NBEA: variants seen among roughly 807,000 people sequenced by gnomAD.
NBEA encodes lysosomal-trafficking regulator 2.
Under a neutral mutation model 343.4 loss-of-function variants are expected in NBEA, and 44 were observed. The ratio of observed to expected loss-of-function variants is 0.13; its 90% CI spans 0.10 to 0.16. The LOEUF is 0.16. Ranked by LOEUF, NBEA falls within the 10% of genes least tolerant of loss-of-function variation. The pLI, the probability that NBEA is intolerant of heterozygous loss-of-function variation, is 1.00. For missense variants in NBEA, 2,555 were observed against 3,631.3 expected (o/e 0.70, Z 7.62); for synonymous variants, 1,175 against 1,238.7 (o/e 0.95, Z 1.08).
intron 28 of NBEA, among the ~76,000 whole-genome samples, chr13:35,179,393 A>G (rs1483401367): frequency 6.6e-6 from 1 of 151,586 alleles, no homozygotes; most frequent in African/African-American, 2.4e-5. Flanking sequence ...TCTTCTCAGT[A>G]ATAAAATACC....
chr13:35,194,087 GTAT>G (rs2072405647), intron 30 of NBEA, among the ~76,000 whole-genome samples: 1 of 151,842 alleles, frequency 6.6e-6, no homozygotes, highest in South Asian at 2.1e-4. Flanking sequence ...CCTAGAAAAA[GTAT>G]TATAAATTCA....
At chr13:35,322,320 A>T (rs2038213179) in intron 36 of NBEA, among the ~76,000 whole-genome samples, 2 of 152,182 alleles carry the variant, frequency 1.3e-5, no homozygotes, top group African/African-American at 4.8e-5. Context: ...CCCATGGCAC[A>T]GTCCCTCACG....
At chr13:35,585,810 T>G (rs2081267940) in intron 46 of NBEA, among the ~76,000 whole-genome samples, 1 of 152,166 alleles carries the variant, frequency 6.6e-6, no homozygotes, top group African/African-American at 2.4e-5. Context: ...TCCTAGATAT[T>G]TTCTCTGTCT....
At chr13:35,425,668 T>TG (rs2044617914) in intron 38 of NBEA, among the ~76,000 whole-genome samples, 1 of 152,202 alleles carries the variant, frequency 6.6e-6, no homozygotes, top group Non-Finnish European at 1.5e-5. Context: ...TAGGTCCTCT[T>TG]GATGCAGAGC....
chr13:35,303,232 GA>G (rs2036671724), intron 35 of NBEA, among the ~76,000 whole-genome samples: 1 of 152,166 alleles, frequency 6.6e-6, no homozygotes, highest in East Asian at 1.9e-4. Context: ...TAGGATTAAA[GA>G]AACACTATGT....
intron 36 of NBEA, among the ~76,000 whole-genome samples, chr13:35,322,872 C>T (rs2038262826): frequency 6.6e-6 from 1 of 152,074 alleles, no homozygotes; most frequent in African/African-American, 2.4e-5. Flanking sequence ...TTTTTTGAGA[C>T]AGGGTCTCAC....
intron 30 of NBEA, among the ~76,000 whole-genome samples, chr13:35,188,055 A>G (rs1411875022): frequency 1.3e-5 from 2 of 151,224 alleles, no homozygotes; most frequent in Non-Finnish European, 2.9e-5. Context: ...TTCTCATATC[A>G]TCTTGTTTTA....
At chr13:35,239,190 A>T (rs2075371546) in intron 34 of NBEA, among the ~76,000 whole-genome samples, 1 of 152,138 alleles carries the variant, frequency 6.6e-6, no homozygotes, top group African/African-American at 2.4e-5. Flanking sequence ...AACTACAAGA[A>T]CAATGAATGG....
chr13:35,477,521 T>C (rs1213782301), intron 41 of NBEA, among the ~76,000 whole-genome samples: 1 of 152,154 alleles, frequency 6.6e-6, no homozygotes, highest in East Asian at 1.9e-4. Context: ...ATGGACAGAG[T>C]ACTTTAGCGT....
intron 38 of NBEA, among the ~76,000 whole-genome samples, chr13:35,399,867 T>C (rs2042915214): frequency 1.3e-5 from 2 of 152,042 alleles, no homozygotes; most frequent in South Asian, 4.1e-4. Context: ...ATTGGCCTAA[T>C]GTCAGTACTG....
intron 38 of NBEA, among the ~76,000 whole-genome samples, chr13:35,367,631 C>G (rs1458754907): frequency 6.6e-6 from 1 of 150,582 alleles, no homozygotes; most frequent in Admixed American, 6.6e-5. Context: ...GTCAAACACT[C>G]TATTGATAAA....
Position 34,942,738 on chromosome 13 carries a change from C to A in NBEA, c.-83C>A, listed in dbSNP as rs1488414772. The A allele has an allele frequency of 1.7e-6, 2 of 1,164,562 alleles. No individual in the cohort carries two copies. The highest frequency in any genetic ancestry group is 2.2e-6 in the Non-Finnish European group (2 of 922,888). 72.1% of individuals were successfully genotyped at this position (1,164,562 alleles called of 1,614,324 possible). A position where few individuals can be genotyped will look rare whatever the true frequency, so the allele number is the denominator to read the frequency against. On this transcript the variant is annotated 5_prime_UTR_variant, in exon 1 of 59. Transcript: ENST00000379939. Reference sequence around the variant, plus strand: ...GATGCTGGGGCTCCGAGGCGACGGCCGGGGGGCGGGGGCCGAGGCAGGTAT... The same window carrying A: ...GATGCTGGGGCTCCGAGGCGACGGCAGGGGGGCGGGGGCCGAGGCAGGTAT...
intron 41 of NBEA, among the ~76,000 whole-genome samples, chr13:35,487,896 C>T (rs1259777362): frequency 1.3e-5 from 2 of 151,752 alleles, no homozygotes; most frequent in Admixed American, 1.3e-4. Flanking sequence ...AAGTACGGTG[C>T]CTAGAAAGTA....
At position 35,580,600 on chromosome 13, in the gene NBEA, A is replaced by G. The variant is rs574999738; in HGVS notation, c.7036-3298A>G. On this transcript the variant is annotated intron_variant, in intron 45 of 58. Transcript: ENST00000379939. Reference sequence around the variant, plus strand: ...AGGATCTCTTAAGCAAATGTCATCTATGACAAAATTCTTATTTCCCCAAAC... The same window carrying G: ...AGGATCTCTTAAGCAAATGTCATCTGTGACAAAATTCTTATTTCCCCAAAC... Among the ~76,000 whole-genome samples the G allele has an allele frequency of 7.9e-5, 12 of 152,326 alleles. 3 individuals carry two copies. The highest frequency in any genetic ancestry group is 2.9e-4 in the African/African-American group (12 of 41,584).
intron 41 of NBEA, among the ~76,000 whole-genome samples, chr13:35,516,771 A>G (rs1469625341): frequency 6.6e-6 from 1 of 152,190 alleles, no homozygotes; most frequent in Non-Finnish European, 1.5e-5. Context: ...ACATTTCCCA[A>G]GTACTTAATA....
chr13:35,010,744 ATATATATATATATATAT>A, intron 1 of NBEA, among the ~76,000 whole-genome samples: 1 of 62,230 alleles, frequency 1.6e-5, no homozygotes, highest in Admixed American at 2.2e-4. Context: ...AAAAAAAAAT[ATATATATATATATATAT>A]ATATATATAT....
chr13:35,458,840 AT>A (rs2046732695), intron 40 of NBEA, among the ~76,000 whole-genome samples: 1 of 152,160 alleles, frequency 6.6e-6, no homozygotes, highest in South Asian at 2.1e-4. Flanking sequence ...AATTTAGCAA[AT>A]AGAAAAGCTG....
chr13:35,611,558 C>T (rs2082523994), intron 48 of NBEA, among the ~76,000 whole-genome samples: 1 of 152,168 alleles, frequency 6.6e-6, no homozygotes, highest in Non-Finnish European at 1.5e-5. Context: ...AGAATATTTT[C>T]ACCACCCCAG....
At chr13:35,371,969 G>T (rs1391003812) in intron 38 of NBEA, among the ~76,000 whole-genome samples, 4 of 152,164 alleles carry the variant, frequency 2.6e-5, no homozygotes, top group Non-Finnish European at 5.9e-5. Flanking sequence ...GAGATGCCAG[G>T]TGGGCCAGTC....
Sources: allele counts gnomAD v4.1 joint callset (sites outside exome capture counted in the v4.1 genomes callset), GRCh38; gene constraint gnomAD v4.1.1; transcripts MANE v1.5; gene names NCBI Gene and HGNC (gene_info 2026-07-23, HGNC 2026-07-21).